KCNK9: variants seen among roughly 807,000 people sequenced by gnomAD.
KCNK9 encodes the protein potassium channel subfamily K member 9.
In KCNK9, 1 loss-of-function variant was observed where a neutral mutation model predicts 10.8. The observed-to-expected ratio is 0.09, with a 90% confidence interval of 0.03 to 0.44. The LOEUF (loss-of-function observed/expected upper bound fraction) is 0.44, where lower values mean the gene tolerates loss of function less well. Among genes scored for constraint, KCNK9 ranks in the 20% least tolerant of loss-of-function variants. The pLI is 0.97. For missense variants in KCNK9, 303 were observed against 515.0 expected (o/e 0.59, Z 3.98); for synonymous variants, 231 against 222.7 (o/e 1.04, Z -0.33).
chr8:139,678,340 T>C (rs1816610128), intron 1 of KCNK9, among the ~76,000 whole-genome samples: 1 of 152,182 alleles, frequency 6.6e-6, no homozygotes, highest in South Asian at 2.1e-4. Context: ...CCCACCTCCC[T>C]TCTGGGTGAG....
intron 1 of KCNK9, among the ~76,000 whole-genome samples, chr8:139,624,051 C>A (rs1300618578): frequency 1.3e-5 from 2 of 152,198 alleles, no homozygotes. Context: ...AGGCACCCAG[C>A]CAACAGCAGG....
intron 1 of KCNK9, among the ~76,000 whole-genome samples, chr8:139,661,256 C>T (rs1306968637): frequency 6.6e-6 from 1 of 152,230 alleles, no homozygotes; most frequent in East Asian, 1.9e-4. Flanking sequence ...GCCCCACATC[C>T]CAGTCTCCAC....
intron 1 of KCNK9, among the ~76,000 whole-genome samples, chr8:139,664,239 T>A (rs530658489): frequency 2.0e-5 from 3 of 152,206 alleles, no homozygotes; most frequent in Non-Finnish European, 4.4e-5. Context: ...AAGATGGGTA[T>A]GTTGTGTTCA....
rs745879564 is a variant in KCNK9 at position 139,618,275 on chromosome 8, G to A, written c.1108C>T (p.Arg370Cys). 3.1e-6 allele frequency: 5 copies of A among 1,614,200 alleles called. No homozygotes were observed. Among genetic ancestry groups the A allele is most frequent in the Admixed American group, 1.7e-5 (1 of 60,030 alleles). Residue 370 changes from arginine (R) to cysteine (C), a missense_variant, in exon 2 of 2, where the codon CGC (arginine) becomes TGC (cysteine). Coordinates refer to ENST00000520439, the MANE Select transcript of KCNK9 (RefSeq NM_001282534.2). The surrounding 1 kb of genome is among the most constrained non-coding windows in gnomAD (Gnocchi z 7.9). ...SFTDHQRLMK[R>C]RKSV ...CCCCACACCTAAACGGACTTCCGGC[G>A]TTTCATCAGCCTCTGGTGGTCGGTA...
At chr8:139,661,754 C>T (rs1324001186) in intron 1 of KCNK9, among the ~76,000 whole-genome samples, 1 of 152,240 alleles carries the variant, frequency 6.6e-6, no homozygotes, top group Non-Finnish European at 1.5e-5. Flanking sequence ...ACAGGAAGTG[C>T]AGGCTGTGTC....
chr8:139,632,432 A>G (rs1815202104), intron 1 of KCNK9, among the ~76,000 whole-genome samples: 1 of 152,206 alleles, frequency 6.6e-6, no homozygotes, highest in African/African-American at 2.4e-5. Flanking sequence ...TCATTTTCTC[A>G]GGAAGCAACA....
chr8:139,648,047 C>G (rs920225103), intron 1 of KCNK9, among the ~76,000 whole-genome samples: 1 of 152,152 alleles, frequency 6.6e-6, no homozygotes, highest in Admixed American at 6.5e-5. Flanking sequence ...TCAAATAAGA[C>G]CTGGAATTTT....
At chr8:139,671,869 T>C (rs958131095) in intron 1 of KCNK9, among the ~76,000 whole-genome samples, 2 of 152,178 alleles carry the variant, frequency 1.3e-5, no homozygotes, top group Non-Finnish European at 2.9e-5. Context: ...CCAATTCTTC[T>C]ATTCATAAGT....
intron 1 of KCNK9, among the ~76,000 whole-genome samples, chr8:139,637,931 C>T (rs182582238): frequency 5.7e-4 from 87 of 152,220 alleles, no homozygotes; most frequent in African/African-American, 2.0e-3. Context: ...CCATCCCAGC[C>T]TTGGCCAGAC....
chr8:139,632,066 G>A (rs1815191019), intron 1 of KCNK9, among the ~76,000 whole-genome samples: 1 of 152,256 alleles, frequency 6.6e-6, no homozygotes, highest in South Asian at 2.1e-4. Flanking sequence ...AGGTTTGACA[G>A]TGGAAATGAA....
At chr8:139,697,825 A>C (rs1817099908) in intron 1 of KCNK9, among the ~76,000 whole-genome samples, 1 of 152,166 alleles carries the variant, frequency 6.6e-6, no homozygotes, top group Admixed American at 6.5e-5. Context: ...TGTGTCCATG[A>C]CATCTACAAA....
intron 1 of KCNK9, among the ~76,000 whole-genome samples, chr8:139,666,613 T>TGAGGCCAGGCTTCTGAGCCCAGGCTGCG: frequency 6.6e-6 from 1 of 152,238 alleles, no homozygotes; most frequent in Non-Finnish European, 1.5e-5. Flanking sequence ...ACAACATTGC[T>TGAGGCCAGGCTTCTGAGCCCAGGCTGCG]GAGGCCAGGC....
intron 1 of KCNK9, among the ~76,000 whole-genome samples, chr8:139,687,903 AT>A (rs1056313618): frequency 4.6e-5 from 7 of 152,044 alleles, no homozygotes; most frequent in African/African-American, 1.4e-4. Context: ...ATAAGTGTTC[AT>A]TTATTATATA....
At chr8:139,661,944 G>T (rs1816161020) in intron 1 of KCNK9, among the ~76,000 whole-genome samples, 1 of 152,228 alleles carries the variant, frequency 6.6e-6, no homozygotes, top group Non-Finnish European at 1.5e-5. Context: ...GCTGGCTGCT[G>T]GTCCACAGTC....
chr8:139,644,799 G>A (rs1459704936), intron 1 of KCNK9, among the ~76,000 whole-genome samples: 8 of 143,688 alleles, frequency 5.6e-5, no homozygotes, highest in African/African-American at 1.8e-4. Context: ...GGCACTGACC[G>A]GGCTTCAGGG....
downstream of KCNK9, among the ~76,000 whole-genome samples, chr8:139,608,667 A>G (rs1356139394): frequency 6.6e-6 from 1 of 152,076 alleles, no homozygotes; most frequent in East Asian, 1.9e-4. Context: ...CTCCAGCCAC[A>G]TTCTACTACA....
chr8:139,673,925 G>A (rs936930531), intron 1 of KCNK9, among the ~76,000 whole-genome samples: 5 of 152,154 alleles, frequency 3.3e-5, no homozygotes, highest in South Asian at 2.1e-4. Flanking sequence ...CAGAGCTGAC[G>A]GCTCCAGCCA....
chr8:139,618,073 G>C lies in KCNK9; in HGVS notation c.*185C>G. On this transcript the variant is annotated 3_prime_UTR_variant, in exon 2 of 2. Coordinates refer to ENST00000520439, the MANE Select transcript of KCNK9 (RefSeq NM_001282534.2). The surrounding 1 kb of genome is among the most constrained non-coding windows in gnomAD (Gnocchi z 7.9). ...GGAGGATGGGCCTGTATTTCCCTTT[G>C]GCCTGCTCTGTCTGGCTGGAAAGGT... 1 of 738,462 alleles carries C rather than the reference G, an allele frequency of 1.4e-6. No individual in the cohort carries two copies. The highest frequency in any genetic ancestry group is 2.2e-6 in the Non-Finnish European group (1 of 458,986). The allele number at this position is 738,462 out of a possible 1,614,324, so 45.7% of individuals were successfully genotyped here. A position where few individuals can be genotyped will look rare whatever the true frequency, so the allele number is the denominator to read the frequency against.
At chr8:139,640,245 G>C (rs148124520) in intron 1 of KCNK9, among the ~76,000 whole-genome samples, 2 of 152,350 alleles carry the variant, frequency 1.3e-5, no homozygotes, top group Non-Finnish European at 2.9e-5. Context: ...AAGCATCCCA[G>C]CTCTGGCACA....
Sources: allele counts gnomAD v4.1 joint callset (sites outside exome capture counted in the v4.1 genomes callset), GRCh38; gene constraint gnomAD v4.1.1; non-coding constraint Gnocchi (gnomAD v3.1); transcripts MANE v1.5; gene names NCBI Gene and HGNC (gene_info 2026-07-23, HGNC 2026-07-21).